The following LRMDA variants were observed in gnomAD, a reference collection of about 807,000 sequenced individuals.
LRMDA encodes the protein leucine rich melanocyte differentiation associated.
LRMDA carries 18 observed loss-of-function variants against 29.8 expected under a neutral mutation model. The ratio of observed to expected loss-of-function variants is 0.60; its 90% CI spans 0.42 to 0.90. The LOEUF is 0.90. Ranked by LOEUF, LRMDA falls within the 40% of genes least tolerant of loss-of-function variation. LRMDA has a pLI of 0.00. For missense variants in LRMDA, 273 were observed against 273.9 expected (o/e 1.00, Z 0.02); for synonymous variants, 125 against 109.4 (o/e 1.14, Z -0.89).
intron 2 of LRMDA, among the ~76,000 whole-genome samples, chr10:75,592,231 T>C (rs4237283): frequency 0.61 from 93,056 of 152,026 alleles, 31,482 homozygotes; most frequent in East Asian, 0.85. Flanking sequence ...AGGAATGTGG[T>C]ACACAGCTGC....
chr10:75,557,703 T>C (rs1840232359), intron 2 of LRMDA, among the ~76,000 whole-genome samples: 2 of 152,198 alleles, frequency 1.3e-5, no homozygotes, highest in East Asian at 1.9e-4. Context: ...AGTGGCCAGA[T>C]GCCTACATGT....
chr10:76,229,031 T>C (rs1024158445), intron 5 of LRMDA, among the ~76,000 whole-genome samples: 1 of 152,228 alleles, frequency 6.6e-6, no homozygotes, highest in Non-Finnish European at 1.5e-5. Context: ...GCAAACATGG[T>C]TTCTCTATGA....
chr10:75,781,309 A>G (rs1159264788), intron 2 of LRMDA, among the ~76,000 whole-genome samples: 1 of 152,210 alleles, frequency 6.6e-6, no homozygotes, highest in Non-Finnish European at 1.5e-5. Flanking sequence ...TTTTTGTTAT[A>G]GAAGAAACAT....
intron 2 of LRMDA, among the ~76,000 whole-genome samples, chr10:75,840,592 C>T (rs929420965): frequency 8.5e-5 from 13 of 152,122 alleles, no homozygotes; most frequent in African/African-American, 2.2e-4. Context: ...CGAGTGAGCA[C>T]GCACGTGTGT....
intron 5 of LRMDA, among the ~76,000 whole-genome samples, chr10:76,165,663 CCTT>C (rs1411367355): frequency 5.3e-5 from 8 of 152,188 alleles, no homozygotes; most frequent in African/African-American, 1.4e-4. Context: ...GCAAACATAT[CCTT>C]CTTCACATGG....
intron 2 of LRMDA, among the ~76,000 whole-genome samples, chr10:75,477,027 ATCTC>A (rs1373305624): frequency 1.4e-5 from 2 of 145,298 alleles, no homozygotes; most frequent in Admixed American, 1.4e-4. Flanking sequence ...ATCTCCTTCT[ATCTC>A]TCAGGCTGGA....
At chr10:75,531,965 G>A (rs1204174234) in intron 2 of LRMDA, among the ~76,000 whole-genome samples, 1 of 149,820 alleles carries the variant, frequency 6.7e-6, no homozygotes, top group Non-Finnish European at 1.5e-5. Context: ...AGGATCACTC[G>A]AGCCCAGGAA....
chr10:76,307,536 A>G (rs1840573241), intron 5 of LRMDA, among the ~76,000 whole-genome samples: 1 of 152,058 alleles, frequency 6.6e-6, no homozygotes, highest in Admixed American at 6.5e-5. Context: ...ACCACCCTTA[A>G]TCAATAGTGG....
intron 5 of LRMDA, among the ~76,000 whole-genome samples, chr10:76,061,037 A>T (rs1262853148): frequency 6.6e-6 from 1 of 152,214 alleles, no homozygotes; most frequent in Admixed American, 6.5e-5. Flanking sequence ...ACTGAAAGGA[A>T]TATAAATCAT....
At chr10:75,782,326 A>T (rs1224658139) in intron 2 of LRMDA, among the ~76,000 whole-genome samples, 1 of 152,172 alleles carries the variant, frequency 6.6e-6, no homozygotes, top group Non-Finnish European at 1.5e-5. Flanking sequence ...ACCAAGGTCT[A>T]AATTCACCTG....
rs535996942 is a variant in LRMDA, at chr10:76,202,776, G to T, written c.517-121625G>T. 3.3e-5 allele frequency among the ~76,000 whole-genome samples: 5 copies of T among 151,956 alleles called. No homozygotes were observed. In the South Asian group the frequency reaches 1.0e-3, roughly 32 times the overall value. ...GATGTGCAATCTGGAGGAAGGAGCG[G>T]ACACTAGATGATAATTCTCAAGCAG... On this transcript the variant is annotated intron_variant, in intron 5 of 6. Transcript: ENST00000611255.
At chr10:76,095,263 A>G (rs1475234656) in intron 5 of LRMDA, among the ~76,000 whole-genome samples, 1 of 152,216 alleles carries the variant, frequency 6.6e-6, no homozygotes, top group African/African-American at 2.4e-5. Context: ...TCTTTTACTT[A>G]TCATAACGCA....
intron 6 of LRMDA, among the ~76,000 whole-genome samples, chr10:76,333,715 G>A (rs910569288): frequency 2.5e-4 from 38 of 152,158 alleles, no homozygotes. Context: ...AAAACACAGG[G>A]CCCAGGATAA....
chr10:75,596,986 C>G (rs1444842197), intron 2 of LRMDA, among the ~76,000 whole-genome samples: 1 of 149,438 alleles, frequency 6.7e-6, no homozygotes, highest in African/African-American at 2.5e-5. Flanking sequence ...CTGCTCTTTC[C>G]TGTTTAAGGG....
At chr10:75,578,214 G>GAAAAAAAAAAAA (rs1589191365) in intron 2 of LRMDA, among the ~76,000 whole-genome samples, 3 of 8,340 alleles carry the variant, frequency 3.6e-4, no homozygotes, top group Non-Finnish European at 8.1e-4. Flanking sequence ...CAAATGGAAA[G>GAAAAAAAAAAAA]CAAAAAAAAA....
intron 2 of LRMDA, among the ~76,000 whole-genome samples, chr10:75,684,271 G>A (rs1317671472): frequency 6.6e-6 from 1 of 152,190 alleles, no homozygotes; most frequent in African/African-American, 2.4e-5. Flanking sequence ...AGTAGACCCT[G>A]TAGGCTGAGT....
chr10:76,235,730 T>C (rs1373784993), intron 5 of LRMDA, among the ~76,000 whole-genome samples: 1 of 152,102 alleles, frequency 6.6e-6, no homozygotes, highest in Admixed American at 6.6e-5. Context: ...GGCAGGGACA[T>C]GAGTTTTGGG....
At chr10:76,248,756 C>T (rs1852420905) in intron 5 of LRMDA, among the ~76,000 whole-genome samples, 1 of 152,210 alleles carries the variant, frequency 6.6e-6, no homozygotes, top group African/African-American at 2.4e-5. Flanking sequence ...TCTATCACAT[C>T]TGCCACAGCG....
At chr10:76,508,290 A>G (rs929242435) in intron 6 of LRMDA, among the ~76,000 whole-genome samples, 3 of 152,162 alleles carry the variant, frequency 2.0e-5, no homozygotes, top group African/African-American at 7.2e-5. Flanking sequence ...CCTGTTCCAC[A>G]TGATAATCTC....
Sources: allele counts gnomAD v4.1 joint callset (sites outside exome capture counted in the v4.1 genomes callset), GRCh38; gene constraint gnomAD v4.1.1; transcripts MANE v1.5; gene names NCBI Gene and HGNC (gene_info 2026-07-23, HGNC 2026-07-21).